Variants in HECW2 observed in about 807,000 individuals in gnomAD.
HECW2 encodes HECT, C2 and WW domain containing E3 ubiquitin protein ligase 2, also known as E3 ubiquitin-protein ligase HECW2.
A neutral mutation model predicts 175.2 loss-of-function variants in HECW2; 61 were observed. The ratio of observed to expected loss-of-function variants is 0.35; its 90% CI spans 0.28 to 0.43. The LOEUF is 0.43. Among genes scored for constraint, HECW2 ranks in the 20% least tolerant of loss-of-function variants. The pLI is 1.00. For missense variants in HECW2, 1,524 were observed against 2,000.5 expected, an observed-to-expected ratio of 0.76 and a Z score of 4.54; for synonymous variants, 671 against 731.0, an observed-to-expected ratio of 0.92 and a Z score of 1.32.
At chr2:196,492,422 C>T (rs1687233337) in intron 1 of HECW2, among the ~76,000 whole-genome samples, 2 of 152,142 alleles carry the variant, frequency 1.3e-5, no homozygotes, top group African/African-American at 4.8e-5. Context: ...ATGCCCAGTG[C>T]CATGTGGAAT....
intron 1 of HECW2, among the ~76,000 whole-genome samples, chr2:196,504,531 A>C (rs909764447): frequency 6.6e-6 from 1 of 152,024 alleles, no homozygotes; most frequent in African/African-American, 2.4e-5. Context: ...CTCTCTCTCT[A>C]TCTATCCACC....
At position 196,200,824 on chromosome 2, in the gene HECW2, T is replaced by C. The variant is rs1037680949; in HGVS notation, c.*453A>G. 1.9e-5 allele frequency: 3 copies of C among 156,130 alleles called. No homozygotes were observed. Among genetic ancestry groups the C allele is most frequent in the African/African-American group, 7.2e-5 (3 of 41,490 alleles). The allele number at this position is 156,130 out of a possible 1,614,324, so 9.7% of individuals were successfully genotyped here. ...GAATATTCTGTTATAACTTAGGGCT[T>C]AAATGAATGTACTTTCAGGAAATAT... On this transcript the variant is annotated 3_prime_UTR_variant, in exon 29 of 29. Transcript: ENST00000644978.
chr2:196,349,162 T>G (rs1401372928), intron 2 of HECW2, among the ~76,000 whole-genome samples: 1 of 152,180 alleles, frequency 6.6e-6, no homozygotes, highest in African/African-American at 2.4e-5. Context: ...ACCTGTCAGC[T>G]TCCATGAGGC....
chr2:196,455,254 G>A (rs1228151741), intron 1 of HECW2, among the ~76,000 whole-genome samples: 1 of 152,202 alleles, frequency 6.6e-6, no homozygotes, highest in East Asian at 1.9e-4. Context: ...GGATGGTCTC[G>A]ATCTCCTGAC....
At chr2:196,333,947 G>A (rs994129506) in intron 4 of HECW2, among the ~76,000 whole-genome samples, 1 of 152,150 alleles carries the variant, frequency 6.6e-6, no homozygotes, top group Non-Finnish European at 1.5e-5. Flanking sequence ...TCCAAACTCA[G>A]CATTGAGAAG....
At position 196,225,857 on chromosome 2, in the gene HECW2, C is replaced by T; in HGVS notation, c.3931G>A (p.Gly1311Ser). ...DNHHEWFRFS[G>S]RILGLALIHQ... Reference sequence around the variant, plus strand: ...ATTAGTGCAAGACCAAGGATCCTACCACTGAATCGGAACCTGTGAAGGAAA... The same window carrying T: ...ATTAGTGCAAGACCAAGGATCCTACTACTGAATCGGAACCTGTGAAGGAAA... The change falls in exon 23 of 29, where the codon GGT becomes AGT. Residue 1311 changes from glycine to serine, a missense_variant. This residue lies in a region of HECW2 where 16 missense variants were observed against 23.9 expected (regional missense o/e 0.67). Coordinates refer to ENST00000644978, the MANE Select transcript of HECW2 (RefSeq NM_001348768.2). 6.2e-7 allele frequency: 1 copy of T among 1,609,858 alleles called. No homozygotes were observed. Among genetic ancestry groups the T allele is most frequent in the Non-Finnish European group, 8.5e-7 (1 of 1,176,264 alleles).
At chr2:196,338,084 C>T (rs999439880) in intron 3 of HECW2, among the ~76,000 whole-genome samples, 1 of 152,142 alleles carries the variant, frequency 6.6e-6, no homozygotes, top group Admixed American at 6.5e-5. Flanking sequence ...CATGCCTGCT[C>T]CCCTCTACCA....
At chr2:196,546,793 G>C (rs1689437638) in intron 1 of HECW2, among the ~76,000 whole-genome samples, 1 of 149,444 alleles carries the variant, frequency 6.7e-6, no homozygotes, top group Admixed American at 6.7e-5. Context: ...CTCGTACAGA[G>C]AGACCTGTCA....
intron 2 of HECW2, among the ~76,000 whole-genome samples, chr2:196,429,524 C>T (rs1480424898): frequency 2.9e-5 from 4 of 139,950 alleles, no homozygotes; most frequent in East Asian, 1.9e-4. Flanking sequence ...AAGGAACTTC[C>T]GCTTCAGGCC....
In HECW2 at chr2:196,547,687, G is replaced by T. The variant is rs1013400897; in HGVS notation, c.-36+45821C>A. Among the ~76,000 whole-genome samples the T allele has an allele frequency of 5.3e-5, 8 of 152,190 alleles. No individual in the cohort carries two copies. The South Asian group carries it at 1.7e-3, about 32-fold the overall frequency. On this transcript the variant is annotated intron_variant, in intron 1 of 28. Coordinates refer to ENST00000644978, the MANE Select transcript of HECW2 (RefSeq NM_001348768.2). Reference sequence around the variant, plus strand: ...CAATATTTATGTTTCACATTTAACAGTCAAGAGATAAGCAATACACAGGAA... The same window carrying T: ...CAATATTTATGTTTCACATTTAACATTCAAGAGATAAGCAATACACAGGAA...
In HECW2 at chr2:196,269,496, C is replaced by CAAAAAAAAAAAAAAA. The variant is rs66656524; in HGVS notation, c.3335+1682_3335+1696dup. The stretch of plus-strand genomic sequence containing the variant: ...GTGGGACTCCGTCTCCCCCTACCTC[C>CAAAAAAAAAAAAAAA]AAAAAAAAAAAAAAAAAAAAAAAAA... On this transcript the variant is annotated intron_variant, in intron 17 of 28. Transcript: ENST00000644978. 12 of 51,318 alleles carry CAAAAAAAAAAAAAAA rather than the reference C, an allele frequency of 2.3e-4. 1 individual carries two copies. The highest frequency in any genetic ancestry group is 4.5e-4 in the African/African-American group (5 of 11,218). The allele number at this position is 51,318 out of a possible 1,614,324, so 3.2% of individuals were successfully genotyped here.
intron 1 of HECW2, among the ~76,000 whole-genome samples, chr2:196,452,345 A>C (rs1243601688): frequency 6.6e-6 from 1 of 152,190 alleles, no homozygotes; most frequent in Admixed American, 6.5e-5. Flanking sequence ...AATTAATTTC[A>C]TCTGTTTTGA....
intron 17 of HECW2, among the ~76,000 whole-genome samples, chr2:196,269,050 A>G (rs1162625121): frequency 6.6e-6 from 1 of 152,340 alleles, no homozygotes; most frequent in Non-Finnish European, 1.5e-5. Flanking sequence ...GGAAGGCACT[A>G]AGAGTTGAGT....
chr2:196,583,262 T>C (rs1690856971), intron 1 of HECW2, among the ~76,000 whole-genome samples: 1 of 152,182 alleles, frequency 6.6e-6, no homozygotes, highest in South Asian at 2.1e-4. Flanking sequence ...GGCAAGCTCC[T>C]ATATGAAGTA....
intron 1 of HECW2, among the ~76,000 whole-genome samples, chr2:196,526,048 TC>T (rs1359720228): frequency 1.3e-4 from 9 of 69,520 alleles, no homozygotes; most frequent in Non-Finnish European, 2.2e-4. Context: ...GGGGAAGTTC[TC>T]CTGGATAATA....
chr2:196,339,155 G>C (rs190445389), intron 3 of HECW2, among the ~76,000 whole-genome samples: 1 of 152,330 alleles, frequency 6.6e-6, no homozygotes, highest in East Asian at 1.9e-4. Flanking sequence ...GGGGCAAAAA[G>C]ACCTTTCTGA....
At chr2:196,356,001 C>T (rs1347440235) in intron 2 of HECW2, among the ~76,000 whole-genome samples, 2 of 152,050 alleles carry the variant, frequency 1.3e-5, no homozygotes, top group African/African-American at 2.4e-5. Flanking sequence ...TGCAAAAGCC[C>T]TGAAACAGAA....
intron 1 of HECW2, among the ~76,000 whole-genome samples, chr2:196,519,968 G>A (rs73989953): frequency 0.02 from 3,104 of 152,238 alleles, 99 homozygotes; most frequent in African/African-American, 0.069. Flanking sequence ...TTAGAGATAA[G>A]TTTTCATTAG....
intron 1 of HECW2, among the ~76,000 whole-genome samples, chr2:196,577,903 G>A (rs184415721): frequency 1.0e-3 from 157 of 152,198 alleles, no homozygotes; most frequent in South Asian, 3.9e-3. Context: ...CCACATCCTC[G>A]AGAGGGAGGA....
Sources: gnomAD v4.1 joint callset for allele counts (sites outside exome capture counted in the v4.1 genomes callset) on GRCh38, gnomAD v4.1.1 for gene constraint, gnomAD v4.1.1 regional missense constraint, MANE v1.5 for transcripts, NCBI Gene and HGNC (gene_info 2026-07-23, HGNC 2026-07-21) for gene names.